The following CFAP43 variants were observed in gnomAD, a reference collection of about 807,000 sequenced individuals.
The protein encoded by CFAP43 is cilia and flagella associated protein 43, also known as cilia- and flagella-associated protein 43.
In CFAP43, 155 loss-of-function variants were observed where a neutral mutation model predicts 218.9. The ratio of observed to expected loss-of-function variants is 0.71; its 90% CI spans 0.62 to 0.81. CFAP43 has a LOEUF of 0.81. CFAP43 is among the 30% of genes least tolerant of loss of function. The pLI, the probability that CFAP43 is intolerant of heterozygous loss-of-function variation, is 0.00. For synonymous variants in CFAP43, 645 were observed against 681.3 expected, an observed-to-expected ratio of 0.95 and a Z score of 0.83; for missense variants, 1,778 against 1,954.3, an observed-to-expected ratio of 0.91 and a Z score of 1.70.
chr10:104,136,276 A>AAAAAAAAAAG (rs1554856620), intron 34 of CFAP43, among the ~76,000 whole-genome samples: 3 of 133,988 alleles, frequency 2.2e-5, no homozygotes, highest in Admixed American at 7.4e-5. Flanking sequence ...AAAAAAAAAA[A>AAAAAAAAAAG]AAGAAGAAAA....
At chr10:104,224,883 C>T (rs77986557) in intron 3 of CFAP43, among the ~76,000 whole-genome samples, 1,752 of 152,032 alleles carry the variant, frequency 0.012, 24 homozygotes, top group African/African-American at 0.036. Context: ...TTGTACTTCC[C>T]CTTAATAAGA....
chr10:104,205,060 A>G (rs1443316839), intron 7 of CFAP43, among the ~76,000 whole-genome samples: 1 of 152,020 alleles, frequency 6.6e-6, no homozygotes, highest in Non-Finnish European at 1.5e-5. Context: ...TAAAAATACA[A>G]TAATTAGCAG....
chr10:104,152,706 C>T lies in CFAP43; in HGVS notation c.3561G>A (p.Lys1187=). The change falls in exon 28 of 38, where the codon AAG becomes AAA. Residue 1187 remains lysine (K), a synonymous_variant. Coordinates refer to ENST00000357060, the MANE Select transcript of CFAP43 (RefSeq NM_025145.7). The part of the protein sequence containing the change: ...KYRKSLEAEL[K]KLQNSIQEST... ...TTTCTTGAATAGAGTTTTGAAGTTT[C>T]TTCAGTTCTGCTTCTAATGACTAAA... The T allele has an allele frequency of 6.2e-7, 1 of 1,611,656 alleles. No homozygotes were observed. Among genetic ancestry groups the T allele is most frequent in the Non-Finnish European group, 8.5e-7 (1 of 1,179,442 alleles).
At chr10:104,186,344 C>A (rs1176284171) in intron 14 of CFAP43, among the ~76,000 whole-genome samples, 1 of 152,214 alleles carries the variant, frequency 6.6e-6, no homozygotes. Flanking sequence ...TTTCTGCCAA[C>A]TAAGTAAAGT....
At chr10:104,219,882 G>A (rs1056072847) in intron 3 of CFAP43, among the ~76,000 whole-genome samples, 1 of 151,944 alleles carries the variant, frequency 6.6e-6, no homozygotes, top group African/African-American at 2.4e-5. Flanking sequence ...CTTTCTTCTC[G>A]TCACAAGGCT....
intron 27 of CFAP43, among the ~76,000 whole-genome samples, chr10:104,159,401 A>C (rs962603598): frequency 2.6e-5 from 4 of 152,182 alleles, no homozygotes; most frequent in Admixed American, 1.3e-4. Flanking sequence ...TAATAAGATG[A>C]GAGATGTATA....
Position 104,186,126 on chromosome 10 carries a change from G to T in CFAP43, c.1861-3C>A, listed in dbSNP as rs764953501. Reference sequence around the variant, plus strand: ...AGAATGTAGATACCGGTATGTTCCTGCCAATCAAAGAAAATAACCACATTA... The same window carrying T: ...AGAATGTAGATACCGGTATGTTCCTTCCAATCAAAGAAAATAACCACATTA... On this transcript the variant is annotated splice_polypyrimidine_tract_variant and splice_region_variant and intron_variant, in intron 14 of 37. Coordinates refer to ENST00000357060, the MANE Select transcript of CFAP43 (RefSeq NM_025145.7). 6.8e-7 allele frequency: 1 copy of T among 1,476,534 alleles called. No individual in the cohort carries two copies. Among genetic ancestry groups the T allele is most frequent in the Non-Finnish European group, 9.0e-7 (1 of 1,114,614 alleles). 91.5% of individuals were successfully genotyped at this position (1,476,534 alleles called of 1,614,324 possible).
intron 21 of CFAP43, among the ~76,000 whole-genome samples, chr10:104,168,327 C>G (rs1041702797): frequency 1.3e-5 from 2 of 152,156 alleles, no homozygotes; most frequent in East Asian, 3.8e-4. Flanking sequence ...GGTCACCCTA[C>G]ACAAAGAGGG....
chr10:104,168,907 A>C, intron 20 of CFAP43, 59 bp from the exon 21 acceptor site: 1 of 1,369,934 alleles, frequency 7.3e-7, no homozygotes, highest in Middle Eastern at 1.8e-4. Context: ...CAGAAATAAT[A>C]ATCTCCATTG....
At chr10:104,181,643 A>T (rs2089848364) in intron 17 of CFAP43, among the ~76,000 whole-genome samples, 3 of 152,160 alleles carry the variant, frequency 2.0e-5, no homozygotes, top group African/African-American at 7.2e-5. Context: ...TCAACTGCAC[A>T]GGTCTTTTTT....
intron 19 of CFAP43, among the ~76,000 whole-genome samples, chr10:104,178,660 A>C (rs1464868405): frequency 6.6e-6 from 1 of 152,204 alleles, no homozygotes; most frequent in Admixed American, 6.5e-5. Flanking sequence ...AAGTAGAAAG[A>C]AGAGAAAACA....
chr10:104,182,145 C>G (rs1353982963), intron 17 of CFAP43, among the ~76,000 whole-genome samples: 1 of 152,078 alleles, frequency 6.6e-6, no homozygotes, highest in East Asian at 1.9e-4. Flanking sequence ...GGATCTTGTA[C>G]TATGGTTTAA....
rs537933936 is a variant in CFAP43 at position 104,211,602 on chromosome 10, C to T, written c.735+405G>A. Among the ~76,000 whole-genome samples, 16 of 152,252 alleles carry T rather than the reference C, an allele frequency of 1.1e-4. No individual in the cohort carries two copies. In the South Asian group the frequency reaches 2.9e-3, roughly 28 times the overall value. On this transcript the variant is annotated intron_variant, in intron 5 of 37. Transcript: ENST00000357060. ...TGGCTCTCTTTTCTTCCCTTGCACC[C>T]TTTCTCTCTTTGCTCATCACATCCC... is the stretch of plus-strand genomic sequence containing the variant.
chr10:104,181,514 A>C (rs1227829878), intron 17 of CFAP43, among the ~76,000 whole-genome samples: 1 of 152,254 alleles, frequency 6.6e-6, no homozygotes, highest in Non-Finnish European at 1.5e-5. Context: ...CACCTGACTC[A>C]GTTCTCATTA....
intron 28 of CFAP43, among the ~76,000 whole-genome samples, chr10:104,151,869 G>T (rs1283742755): frequency 1.3e-5 from 2 of 152,072 alleles, no homozygotes; most frequent in Admixed American, 1.3e-4. Context: ...TAGTTTGGGG[G>T]TTTACATTTA....
chr10:104,210,474 C>T (rs1427091994), intron 5 of CFAP43, among the ~76,000 whole-genome samples: 1 of 152,172 alleles, frequency 6.6e-6, no homozygotes, highest in African/African-American at 2.4e-5. Context: ...TCAAGTGATT[C>T]TCCCACCTCA....
chr10:104,139,027 GTCTA>G (rs1247068657), intron 34 of CFAP43, among the ~76,000 whole-genome samples: 5 of 152,292 alleles, frequency 3.3e-5, no homozygotes, highest in South Asian at 2.1e-4. Flanking sequence ...CTAAATGTAA[GTCTA>G]TCTATCTGTC....
rs368393268 is a variant in CFAP43, at chr10:104,167,640, A to G, written c.2789T>C (p.Ile930Thr). The G allele has an allele frequency of 1.6e-5, 26 of 1,609,638 alleles. No individual in the cohort carries two copies. In the African/African-American group the frequency reaches 2.8e-4, roughly 17 times the overall value. The change falls in exon 22 of 38, where the codon ATT becomes ACT. Residue 930 changes from isoleucine (I) to threonine (T), a missense_variant. Transcript: ENST00000357060. ...ELERVLQQKK[I>T]EAECLKLRKE... is the part of the protein sequence containing the mutation. ...TAGTACTTTAAGACACTCTGCTTCAATCTTCTTTTGCTGTAAAACTCTTTC... is the reference window on the plus strand; with the variant it reads ...TAGTACTTTAAGACACTCTGCTTCAGTCTTCTTTTGCTGTAAAACTCTTTC...
At chr10:104,174,999 G>C (rs185466943) in intron 19 of CFAP43, among the ~76,000 whole-genome samples, 2 of 151,832 alleles carry the variant, frequency 1.3e-5, no homozygotes, top group African/African-American at 4.8e-5. Context: ...AGCTTGCAGT[G>C]AGCCGAGATC....
Sources: gnomAD v4.1 joint callset for allele counts (sites outside exome capture counted in the v4.1 genomes callset) on GRCh38, gnomAD v4.1.1 for gene constraint, MANE v1.5 for transcripts, NCBI Gene and HGNC (gene_info 2026-07-23, HGNC 2026-07-21) for gene names.